Variants in UBXN8 observed in about 807,000 individuals in gnomAD.
UBXN8 encodes UBX domain protein 8.
A neutral mutation model predicts 32.1 loss-of-function variants in UBXN8; 27 were observed. The ratio of observed to expected loss-of-function variants is 0.84; its 90% CI spans 0.62 to 1.16. The LOEUF is 1.16. Among genes scored for constraint, UBXN8 ranks in the 50% most tolerant of loss-of-function variants. The pLI is 0.00. For missense variants in UBXN8, 306 were observed against 311.4 expected (o/e 0.98, Z 0.13); for synonymous variants, 109 against 111.8 (o/e 0.98, Z 0.16).
intron 1 of UBXN8, chr8:30,744,573 G>GAAGGTCTTTGTGA (rs1805312531): frequency 2.0e-6 from 1 of 490,438 alleles, no homozygotes; most frequent in African/African-American, 1.9e-5. Flanking sequence ...TTGATAAGAT[G>GAAGGTCTTTGTGA]AAGGTCTTGT....
chr8:30,751,401 A>G lies in UBXN8; in HGVS notation c.94A>G (p.Lys32Glu), dbSNP rs370487136. 1.1e-5 allele frequency: 18 copies of G among 1,578,582 alleles called. No individual in the cohort carries two copies. The highest frequency in any genetic ancestry group is 1.4e-5 in the Non-Finnish European group (16 of 1,162,466). The change falls in exon 2 of 8, where the codon AAG becomes GAG. Residue 32 changes from lysine (K) to glutamate (E), a missense_variant. Lys to Glu is a moderately conservative substitution (Grantham distance 56, BLOSUM62 1). Coordinates refer to ENST00000265616, the MANE Select transcript of UBXN8 (RefSeq NM_005671.4). ...TAGTTTTTTTCCTTTATCAGGAATCAAGGATTTTCTTTTGCTTTGTGGCCG... is the reference window on the plus strand; with the variant it reads ...TAGTTTTTTTCCTTTATCAGGAATCGAGGATTTTCTTTTGCTTTGTGGCCG... ...LRRGIPDIGIKDFLLLCGRIL... is the reference protein window; with the variant it reads ...LRRGIPDIGIEDFLLLCGRIL...
chr8:30,741,740 G>A (rs1445499106), upstream of UBXN8, among the ~76,000 whole-genome samples: 1 of 152,058 alleles, frequency 6.6e-6, no homozygotes, highest in Non-Finnish European at 1.5e-5. Context: ...GTGAGTCACC[G>A]CGCCCGGCCA....
chr8:30,740,178 CG>C (rs1805168470), upstream of UBXN8, among the ~76,000 whole-genome samples: 1 of 151,834 alleles, frequency 6.6e-6, no homozygotes, highest in South Asian at 2.1e-4. Context: ...AGGCATGAGC[CG>C]CCACGGTCAG....
At chr8:30,763,086 T>C in intron 6 of UBXN8, 187 bp from the exon 7 acceptor site, 1 of 573,154 alleles carries the variant, frequency 1.7e-6, no homozygotes, top group Non-Finnish European at 3.1e-6. Context: ...CCTCAAGTGG[T>C]CTGCCTGTCT....
At position 30,753,085 on chromosome 8, in the gene UBXN8, CAAG is replaced by C; in HGVS notation, c.266_268del (p.Glu89del). 6.6e-7 allele frequency: 1 copy of C among 1,524,122 alleles called. No homozygotes were observed. 94.4% of individuals were successfully genotyped at this position (1,524,122 alleles called of 1,614,324 possible). On this transcript the variant is annotated inframe_deletion, in exon 3 of 8. Coordinates refer to ENST00000265616, the MANE Select transcript of UBXN8 (RefSeq NM_005671.4). ...ACAAAAACTTGTGAGAAAAAAACAA[CAAG>C]AAGCACAAGGAGAGAAGGTAAGGCA...
upstream of UBXN8, among the ~76,000 whole-genome samples, chr8:30,743,154 C>A (rs1563557089): frequency 2.7e-5 from 2 of 75,430 alleles, no homozygotes; most frequent in East Asian, 8.4e-4. Context: ...TAATTTCTTT[C>A]TTTCTTTTTT....
At chr8:30,729,607 G>C (rs1804902976), upstream of UBXN8, among the ~76,000 whole-genome samples, 1 of 152,124 alleles carries the variant, frequency 6.6e-6, no homozygotes, top group Non-Finnish European at 1.5e-5. Context: ...TGTGAGCTTG[G>C]TGTTTTGTCT....
At chr8:30,754,343 T>G (rs1339602934) in intron 3 of UBXN8, 6 of 423,844 alleles carry the variant, frequency 1.4e-5, no homozygotes, top group Non-Finnish European at 1.9e-5. Flanking sequence ...ATCCTTGGAG[T>G]TGCCATACCG....
intron 4 of UBXN8, 79 bp from the exon 5 acceptor site, chr8:30,756,686 G>A: frequency 1.3e-6 from 2 of 1,576,058 alleles, no homozygotes; most frequent in Non-Finnish European, 1.7e-6. Flanking sequence ...GTAAAAAAAG[G>A]AAAAAGGAAA....
intron 5 of UBXN8, among the ~76,000 whole-genome samples, chr8:30,760,615 A>C (rs1210641373): frequency 6.6e-6 from 1 of 151,570 alleles, no homozygotes; most frequent in African/African-American, 2.4e-5. Flanking sequence ...TATTAGTAAT[A>C]TTTTGGAACA....
At chr8:30,731,626 G>C (rs538179936), upstream of UBXN8, among the ~76,000 whole-genome samples, 1 of 151,956 alleles carries the variant, frequency 6.6e-6, no homozygotes, top group African/African-American at 2.4e-5. Flanking sequence ...TAACTGAGCC[G>C]GGCCAAGAGA....
chr8:30,744,407 C>T, intron 1 of UBXN8, 130 bp downstream of exon 1: 4 of 842,326 alleles, frequency 4.7e-6, no homozygotes, highest in Non-Finnish European at 5.7e-6. Flanking sequence ...CTGCATCGCC[C>T]CTGCCCCCCC....
At chr8:30,757,158 A>T (rs867774961) in intron 5 of UBXN8, among the ~76,000 whole-genome samples, 3 of 135,200 alleles carry the variant, frequency 2.2e-5, no homozygotes, top group African/African-American at 5.6e-5. Flanking sequence ...ATCTCTATTT[A>T]AAAAAAAAAA....
At chr8:30,744,444 G>A (rs1017235291) in intron 1 of UBXN8, 167 bp downstream of exon 1, 5 of 672,394 alleles carry the variant, frequency 7.4e-6, no homozygotes, top group Non-Finnish European at 1.3e-5. Flanking sequence ...TCACTTCGAG[G>A]AACCTTTTCC....
intron 1 of UBXN8, among the ~76,000 whole-genome samples, chr8:30,738,998 G>A (rs1805132005): frequency 6.6e-6 from 1 of 150,612 alleles, no homozygotes; most frequent in Non-Finnish European, 1.5e-5. Flanking sequence ...TATGATTCAT[G>A]TATATAATAT....
intron 5 of UBXN8, among the ~76,000 whole-genome samples, chr8:30,760,439 A>ATTTTT (rs1221804217): frequency 3.9e-4 from 17 of 43,194 alleles, no homozygotes; most frequent in African/African-American, 1.1e-3. Flanking sequence ...ATATATATAT[A>ATTTTT]TATATTTTTT....
chr8:30,738,751 T>G (rs1321090693), intron 1 of UBXN8, among the ~76,000 whole-genome samples: 1 of 150,374 alleles, frequency 6.7e-6, no homozygotes, highest in Non-Finnish European at 1.5e-5. Context: ...AGGTCAGGAT[T>G]TGAAACCTGC....
chr8:30,746,685 A>G (rs1805370108), intron 1 of UBXN8, among the ~76,000 whole-genome samples: 3 of 138,186 alleles, frequency 2.2e-5, no homozygotes, highest in African/African-American at 5.7e-5. Flanking sequence ...ACCATGCCCG[A>G]CTAATTTTTT....
chr8:30,749,252 G>A (rs1225825801), intron 1 of UBXN8, among the ~76,000 whole-genome samples: 1 of 151,886 alleles, frequency 6.6e-6, no homozygotes, highest in African/African-American at 2.4e-5. Flanking sequence ...AACTAGCCAG[G>A]CATGGTGGTG....
Sources: allele counts gnomAD v4.1 joint callset (sites outside exome capture counted in the v4.1 genomes callset), GRCh38; gene constraint gnomAD v4.1.1; transcripts MANE v1.5; gene names NCBI Gene and HGNC (gene_info 2026-07-23, HGNC 2026-07-21).